TAFA5: variants seen among roughly 807,000 people sequenced by gnomAD.
The protein encoded by TAFA5 is TAFA chemokine like family member 5.
A neutral mutation model predicts 15.3 loss-of-function variants in TAFA5; 6 were observed. The observed-to-expected ratio is 0.39, with a 90% CI of 0.21 to 0.77. TAFA5 has a LOEUF of 0.77. TAFA5 is among the 30% of genes least tolerant of loss of function. The pLI is 0.41. For missense variants in TAFA5, 161 were observed against 193.1 expected, an observed-to-expected ratio of 0.83 and a Z score of 0.98; for synonymous variants, 103 against 80.7, an observed-to-expected ratio of 1.28 and a Z score of -1.48.
intron 2 of TAFA5, among the ~76,000 whole-genome samples, chr22:48,665,101 T>C (rs1176868671): frequency 6.6e-6 from 1 of 152,170 alleles, no homozygotes; most frequent in East Asian, 1.9e-4. Flanking sequence ...GTCAGTGTGT[T>C]TAATTTCAGC....
chr22:48,655,846 T>TG (rs1213163457), intron 2 of TAFA5, among the ~76,000 whole-genome samples: 3 of 138,572 alleles, frequency 2.2e-5, no homozygotes, highest in Admixed American at 7.2e-5. Flanking sequence ...TTTTTTTTTT[T>TG]TTTTTTTTTT....
chr22:48,714,802 G>T (rs1427794157), intron 3 of TAFA5, among the ~76,000 whole-genome samples: 1 of 152,192 alleles, frequency 6.6e-6, no homozygotes, highest in Non-Finnish European at 1.5e-5. Context: ...AGGTCCTGAA[G>T]GCCAGGAGGT....
At chr22:48,667,326 A>G (rs1169341049) in intron 2 of TAFA5, among the ~76,000 whole-genome samples, 3 of 151,144 alleles carry the variant, frequency 2.0e-5, no homozygotes, top group Non-Finnish European at 4.4e-5. Context: ...CCTTTCACCC[A>G]GGAGAACAGA....
intron 2 of TAFA5, among the ~76,000 whole-genome samples, chr22:48,666,388 AAG>A (rs1342662843): frequency 7.0e-6 from 1 of 142,876 alleles, no homozygotes; most frequent in Non-Finnish European, 1.5e-5. Flanking sequence ...GGTTTACAGA[AAG>A]AGAGCAGGAA....
At chr22:48,689,509 G>A (rs991365449) in intron 2 of TAFA5, among the ~76,000 whole-genome samples, 4 of 152,190 alleles carry the variant, frequency 2.6e-5, no homozygotes, top group Non-Finnish European at 4.4e-5. Flanking sequence ...AGGAACCTGC[G>A]CAGACTTGAG....
intron 2 of TAFA5, among the ~76,000 whole-genome samples, chr22:48,705,268 G>A (rs1929043952): frequency 6.6e-6 from 1 of 152,080 alleles, no homozygotes. Context: ...GGACTGGCTG[G>A]GACACAGCAC....
chr22:48,577,635 C>T (rs1034161918), intron 1 of TAFA5, among the ~76,000 whole-genome samples: 1 of 152,228 alleles, frequency 6.6e-6, no homozygotes, highest in South Asian at 2.1e-4. Context: ...GCTTTCCTGA[C>T]TAATTAATGA....
chr22:48,682,504 A>T (rs1928224579), intron 2 of TAFA5, among the ~76,000 whole-genome samples: 2 of 152,380 alleles, frequency 1.3e-5, no homozygotes, highest in Middle Eastern at 3.4e-3. Context: ...GCTGAGGCTG[A>T]AAAGAGGTCT....
intron 3 of TAFA5, among the ~76,000 whole-genome samples, chr22:48,736,753 G>T (rs1428495120): frequency 6.6e-6 from 1 of 152,192 alleles, no homozygotes; most frequent in African/African-American, 2.4e-5. Context: ...TGCCCTGTTG[G>T]AGCCCAGTGA....
intron 1 of TAFA5, among the ~76,000 whole-genome samples, chr22:48,593,336 G>A (rs1924642503): frequency 6.6e-6 from 1 of 152,196 alleles, no homozygotes; most frequent in African/African-American, 2.4e-5. Flanking sequence ...AGAGGCACGG[G>A]GCAGGGGAGG....
chr22:48,518,785 G>A (rs934282410), intron 1 of TAFA5, among the ~76,000 whole-genome samples: 1 of 152,220 alleles, frequency 6.6e-6, no homozygotes, highest in African/African-American at 2.4e-5. Flanking sequence ...TGTGCCCAGG[G>A]TCACGCTGGG....
chr22:48,737,122 C>A (rs1930051918), intron 3 of TAFA5, among the ~76,000 whole-genome samples: 1 of 152,092 alleles, frequency 6.6e-6, no homozygotes, highest in Non-Finnish European at 1.5e-5. Flanking sequence ...CACCATGCCC[C>A]TCTCCTGACC....
intron 2 of TAFA5, among the ~76,000 whole-genome samples, chr22:48,673,564 G>A (rs1019703686): frequency 7.9e-5 from 12 of 152,192 alleles, no homozygotes; most frequent in African/African-American, 2.9e-4. Context: ...GGGTGGGATG[G>A]CTGGTGCCCT....
At chr22:48,609,277 C>T (rs973432414) in intron 1 of TAFA5, among the ~76,000 whole-genome samples, 1 of 152,220 alleles carries the variant, frequency 6.6e-6, no homozygotes, top group African/African-American at 2.4e-5. Flanking sequence ...CACGTTGGGG[C>T]AACATCCAGA....
intron 3 of TAFA5, among the ~76,000 whole-genome samples, chr22:48,728,047 G>C (rs1256534956): frequency 1.3e-5 from 2 of 152,178 alleles, no homozygotes; most frequent in African/African-American, 4.8e-5. Flanking sequence ...AAAAGCAGCA[G>C]TGCATAGATC....
chr22:48,662,982 G>A (rs1445224698), intron 2 of TAFA5, among the ~76,000 whole-genome samples: 1 of 152,200 alleles, frequency 6.6e-6, no homozygotes, highest in African/African-American at 2.4e-5. Flanking sequence ...AGATCTGGCA[G>A]CTCATGCCTC....
In TAFA5 at chr22:48,742,001, C is replaced by A. The variant is rs1311571757; in HGVS notation, c.391-7838C>A. On this transcript the variant is annotated intron_variant, in intron 3 of 3. Coordinates refer to ENST00000402357, the MANE Select transcript of TAFA5 (RefSeq NM_001082967.3). The surrounding 1 kb of genome is among the most constrained non-coding windows in gnomAD (Gnocchi z 6.2). Reference sequence around the variant, plus strand: ...AAATTAAACAGTTTTTTGTTAAGAACCCCATGGTTGGGGGTAAACACTGTT... The same window carrying A: ...AAATTAAACAGTTTTTTGTTAAGAAACCCATGGTTGGGGGTAAACACTGTT... Among the ~76,000 whole-genome samples, 1 of 152,184 alleles carries A rather than the reference C, an allele frequency of 6.6e-6. No individual in the cohort carries two copies. The highest frequency in any genetic ancestry group is 1.5e-5 in the Non-Finnish European group (1 of 68,028).
At chr22:48,654,024 G>A (rs541664994) in intron 2 of TAFA5, among the ~76,000 whole-genome samples, 1 of 151,894 alleles carries the variant, frequency 6.6e-6, no homozygotes, top group East Asian at 1.9e-4. Flanking sequence ...GGAGGGAAGG[G>A]GGTGGTCTCC....
intron 3 of TAFA5, among the ~76,000 whole-genome samples, chr22:48,722,581 G>C (rs1929601516): frequency 6.6e-6 from 1 of 152,192 alleles, no homozygotes; most frequent in Non-Finnish European, 1.5e-5. Context: ...GGGAGGGATA[G>C]CATCAGGAGA....
Sources: gnomAD v4.1 joint callset for allele counts (sites outside exome capture counted in the v4.1 genomes callset) on GRCh38, gnomAD v4.1.1 for gene constraint, Gnocchi (gnomAD v3.1) non-coding constraint, MANE v1.5 for transcripts, NCBI Gene and HGNC (gene_info 2026-07-23, HGNC 2026-07-21) for gene names.